Variants in SLC10A7 observed in about 807,000 individuals in gnomAD.
The protein encoded by SLC10A7 is solute carrier family 10 member 7, also known as sodium/bile acid cotransporter 7.
A neutral mutation model predicts 43.2 loss-of-function variants in SLC10A7; 29 were observed. The observed-to-expected ratio is 0.67, with a 90% CI of 0.50 to 0.92. The LOEUF (loss-of-function observed/expected upper bound fraction) is 0.92. SLC10A7 is among the 40% of genes least tolerant of loss of function. SLC10A7 has a pLI of 0.00. For missense variants in SLC10A7, 295 were observed against 403.2 expected, an observed-to-expected ratio of 0.73 and a Z score of 2.30; for synonymous variants, 152 against 144.8, an observed-to-expected ratio of 1.05 and a Z score of -0.35.
intron 4 of SLC10A7, among the ~76,000 whole-genome samples, chr4:146,487,908 A>T (rs1425646283): frequency 6.6e-6 from 1 of 151,858 alleles, no homozygotes; most frequent in Non-Finnish European, 1.5e-5. Flanking sequence ...AAAAAAAAAA[A>T]ATTAGACAGG....
At chr4:146,350,017 T>C (rs1383936790) in intron 5 of SLC10A7, among the ~76,000 whole-genome samples, 2 of 150,552 alleles carry the variant, frequency 1.3e-5, no homozygotes, top group Admixed American at 6.6e-5. Flanking sequence ...AATATATATA[T>C]AGGGGGAGGA....
intron 4 of SLC10A7, among the ~76,000 whole-genome samples, chr4:146,464,126 C>A (rs762949208): frequency 1.2e-4 from 18 of 151,662 alleles, no homozygotes; most frequent in Non-Finnish European, 8.8e-5. Context: ...CGCCTGGCCC[C>A]ATTATTTTCT....
intron 5 of SLC10A7, among the ~76,000 whole-genome samples, chr4:146,387,381 C>T (rs1738087485): frequency 1.3e-5 from 2 of 152,300 alleles, no homozygotes; most frequent in South Asian, 2.1e-4. Context: ...ATGATCATCT[C>T]AATAGACATA....
At chr4:146,289,801 C>A (rs186444873) in intron 9 of SLC10A7, among the ~76,000 whole-genome samples, 1 of 147,546 alleles carries the variant, frequency 6.8e-6, no homozygotes, top group Non-Finnish European at 1.5e-5. Context: ...CTGCAACCTC[C>A]GTCTCCCGGG....
chr4:146,321,969 A>C (rs1732741828), intron 6 of SLC10A7, among the ~76,000 whole-genome samples: 1 of 152,190 alleles, frequency 6.6e-6, no homozygotes, highest in Non-Finnish European at 1.5e-5. Context: ...TGTGTGTGAT[A>C]ATGCCACTGA....
At chr4:146,336,669 A>G (rs1733913170) in intron 5 of SLC10A7, among the ~76,000 whole-genome samples, 1 of 152,008 alleles carries the variant, frequency 6.6e-6, no homozygotes, top group Non-Finnish European at 1.5e-5. Context: ...CTTTGTCAAT[A>G]TTTACTTTAC....
At chr4:146,470,561 C>T (rs1474177916) in intron 4 of SLC10A7, among the ~76,000 whole-genome samples, 2 of 152,054 alleles carry the variant, frequency 1.3e-5, no homozygotes, top group African/African-American at 4.8e-5. Context: ...AAGTCAAATG[C>T]ACAATTACCT....
In SLC10A7 at chr4:146,509,986, A is replaced by G; in HGVS notation, c.247T>C (p.Phe83Leu). ...AAAAGCCATATTGTTGCTGGGAAGA[A>G]TGCAAGAGTAAAGATCTGAATAAAA... ...HLFIQIFTLA[F>L]FPATIWLFLQ... is the part of the protein sequence containing the mutation. Residue 83 changes from phenylalanine (F) to leucine (L), a missense_variant, in exon 3 of 12, where the codon TTC (phenylalanine) becomes CTC (leucine). Physicochemically the swap from Phe to Leu is conservative, Grantham distance 22. Coordinates refer to ENST00000335472, the MANE Select transcript of SLC10A7 (RefSeq NM_001029998.6). 1 of 1,613,880 alleles carries G rather than the reference A, an allele frequency of 6.2e-7. No individual in the cohort carries two copies. Among genetic ancestry groups the G allele is most frequent in the South Asian group, 1.1e-5 (1 of 91,060 alleles).
chr4:146,502,525 G>C (rs1163810135), intron 4 of SLC10A7, among the ~76,000 whole-genome samples: 1 of 152,016 alleles, frequency 6.6e-6, no homozygotes, highest in South Asian at 2.1e-4. Flanking sequence ...CCACTCCTAG[G>C]TATTTCCAAG....
At chr4:146,275,780 G>GTT (rs773001811) in intron 10 of SLC10A7, among the ~76,000 whole-genome samples, 1 of 143,224 alleles carries the variant, frequency 7.0e-6, no homozygotes. Context: ...CCCCATAGAA[G>GTT]TTTTTTTTTT....
At chr4:146,286,714 G>A (rs1578789054) in intron 9 of SLC10A7, among the ~76,000 whole-genome samples, 1 of 151,900 alleles carries the variant, frequency 6.6e-6, no homozygotes, top group Admixed American at 6.5e-5. Flanking sequence ...CTGGAGTGGT[G>A]AGAAGGACTG....
rs866253641 is a variant in SLC10A7, at chr4:146,462,321, G to A, written c.397-19500C>T. 3.9e-5 allele frequency among the ~76,000 whole-genome samples: 6 copies of A among 152,126 alleles called. 1 individual carries two copies. The highest frequency in any genetic ancestry group is 3.4e-3 in the Middle Eastern group (1 of 294). On this transcript the variant is annotated intron_variant, in intron 4 of 11. Coordinates refer to ENST00000335472, the MANE Select transcript of SLC10A7 (RefSeq NM_001029998.6). ...TTCAGAGTGCTACATTCAGCAGAATGTGGTTTAAATTTTCTACAAACAATA... is the reference window on the plus strand; with the variant it reads ...TTCAGAGTGCTACATTCAGCAGAATATGGTTTAAATTTTCTACAAACAATA...
At chr4:146,355,114 G>T (rs1735472515) in intron 5 of SLC10A7, among the ~76,000 whole-genome samples, 1 of 145,266 alleles carries the variant, frequency 6.9e-6, no homozygotes, top group South Asian at 2.3e-4. Flanking sequence ...CTACAACATG[G>T]GAGAAAATTT....
chr4:146,331,964 GA>G (rs1459748476), intron 5 of SLC10A7, among the ~76,000 whole-genome samples: 2 of 152,120 alleles, frequency 1.3e-5, no homozygotes, highest in African/African-American at 2.4e-5. Context: ...AGTCTCCAAA[GA>G]ATATGACATT....
chr4:146,294,120 G>T (rs190063216), intron 7 of SLC10A7, 25 bp from the exon 8 acceptor site: 2 of 1,527,036 alleles, frequency 1.3e-6, no homozygotes, highest in Non-Finnish European at 1.8e-6. Context: ...TCAACAGGTT[G>T]CCTCTTTTCA....
At chr4:146,382,371 A>T (rs949544510) in intron 5 of SLC10A7, among the ~76,000 whole-genome samples, 1 of 152,138 alleles carries the variant, frequency 6.6e-6, no homozygotes, top group African/African-American at 2.4e-5. Flanking sequence ...CAGCACTAAC[A>T]TCATGTTACA....
At chr4:146,261,996 G>A (rs1728260056) in intron 10 of SLC10A7, among the ~76,000 whole-genome samples, 1 of 152,148 alleles carries the variant, frequency 6.6e-6, no homozygotes, top group Non-Finnish European at 1.5e-5. Flanking sequence ...ATTGTAAATG[G>A]ATTCTTTTTC....
chr4:146,459,020 T>G (rs560377755), intron 4 of SLC10A7, among the ~76,000 whole-genome samples: 1 of 151,752 alleles, frequency 6.6e-6, no homozygotes, highest in Non-Finnish European at 1.5e-5. Flanking sequence ...AATTCAAGAA[T>G]GCAAGGTCTA....
intron 5 of SLC10A7, among the ~76,000 whole-genome samples, chr4:146,411,660 T>G (rs947272690): frequency 6.6e-6 from 1 of 152,138 alleles, no homozygotes; most frequent in Non-Finnish European, 1.5e-5. Flanking sequence ...ATGGTGAGGG[T>G]GATAGCAATG....
Sources: gnomAD v4.1 joint callset for allele counts (sites outside exome capture counted in the v4.1 genomes callset) on GRCh38, gnomAD v4.1.1 for gene constraint, MANE v1.5 for transcripts, NCBI Gene and HGNC (gene_info 2026-07-23, HGNC 2026-07-21) for gene names.